MCF2L: variants seen among roughly 807,000 people sequenced by gnomAD.
The protein encoded by MCF2L is MCF.2 cell line derived transforming sequence like.
Under a neutral mutation model 153.4 loss-of-function variants are expected in MCF2L, and 97 were observed. The ratio of observed to expected loss-of-function variants is 0.63; its 90% CI spans 0.54 to 0.75. MCF2L has a LOEUF of 0.75. Among genes scored for constraint, MCF2L ranks in the 30% least tolerant of loss-of-function variants. The pLI is 0.00. For synonymous variants in MCF2L, 659 were observed against 632.2 expected (o/e 1.04, Z -0.64); for missense variants, 1,347 against 1,495.2 (o/e 0.90, Z 1.64).
chr13:112,973,056 C>T (rs556150773), intron 1 of MCF2L, among the ~76,000 whole-genome samples: 44 of 151,976 alleles, frequency 2.9e-4, no homozygotes, highest in African/African-American at 9.4e-4. Context: ...TGGGGGGACG[C>T]GCCCAGGAGG....
intron 4 of MCF2L, among the ~76,000 whole-genome samples, chr13:113,047,556 C>A (rs539410416): frequency 6.6e-6 from 1 of 152,248 alleles, no homozygotes; most frequent in African/African-American, 2.4e-5. Flanking sequence ...CCGTTACAGC[C>A]GCATCTTTTA....
At chr13:113,039,138 C>T (rs551322955) in intron 3 of MCF2L, among the ~76,000 whole-genome samples, 3 of 152,170 alleles carry the variant, frequency 2.0e-5, no homozygotes, top group Non-Finnish European at 2.9e-5. Flanking sequence ...GGATTATAGG[C>T]GTGAGCCACC....
intron 1 of MCF2L, among the ~76,000 whole-genome samples, chr13:112,982,509 G>A (rs1298750859): frequency 6.6e-6 from 1 of 152,184 alleles, no homozygotes; most frequent in African/African-American, 2.4e-5. Context: ...CCCATCAGGT[G>A]GGAGGTGCGG....
At chr13:113,080,905 G>A (rs1410754579) in intron 15 of MCF2L, among the ~76,000 whole-genome samples, 1 of 147,512 alleles carries the variant, frequency 6.8e-6, no homozygotes, top group Admixed American at 6.7e-5. Context: ...TTTTGCACAG[G>A]TGGGACCCAA....
At chr13:113,049,629 T>C (rs2087075288) in intron 4 of MCF2L, among the ~76,000 whole-genome samples, 1 of 152,158 alleles carries the variant, frequency 6.6e-6, no homozygotes, top group Non-Finnish European at 1.5e-5. Context: ...AGCCGAGCCC[T>C]CAAGCAGGTT....
At chr13:112,980,307 C>T (rs1036753618) in intron 1 of MCF2L, among the ~76,000 whole-genome samples, 8 of 152,264 alleles carry the variant, frequency 5.3e-5, no homozygotes, top group Admixed American at 6.5e-5. Flanking sequence ...ATTCTGCTGG[C>T]TTGAGGGGGA....
chr13:112,987,311 C>CATGCAGCCCCCGGTGGGGGGCAGGG (rs11268184), intron 1 of MCF2L, among the ~76,000 whole-genome samples: 134,978 of 151,802 alleles, frequency 0.89, 60,855 homozygotes, highest in Non-Finnish European at 0.98. Flanking sequence ...GCCTGGAGCA[C>CATGCAGCCCCCGGTGGGGGGCAGGG]ACCTTGTGGA....
intron 1 of MCF2L, among the ~76,000 whole-genome samples, chr13:112,992,077 C>A (rs540079025): frequency 1.3e-5 from 2 of 152,312 alleles, no homozygotes; most frequent in South Asian, 4.1e-4. Flanking sequence ...CCACACCTGA[C>A]CCGACAGTCA....
At chr13:112,895,062 G>A (rs1209472446) in intron 1 of MCF2L, among the ~76,000 whole-genome samples, 1 of 152,190 alleles carries the variant, frequency 6.6e-6, no homozygotes, top group East Asian at 1.9e-4. Flanking sequence ...CGGGAAGGCC[G>A]TGGAGCGCGG....
intron 1 of MCF2L, among the ~76,000 whole-genome samples, chr13:112,981,781 C>G (rs1229587527): frequency 6.6e-6 from 1 of 152,244 alleles, no homozygotes; most frequent in Non-Finnish European, 1.5e-5. Flanking sequence ...CCTCTGCCTC[C>G]TGTTGCCTGG....
chr13:113,036,881 T>C (rs1462658349), intron 3 of MCF2L, among the ~76,000 whole-genome samples: 2 of 152,240 alleles, frequency 1.3e-5, no homozygotes, highest in African/African-American at 4.8e-5. Context: ...TTAACAACCA[T>C]GAATTCCTAG....
intron 2 of MCF2L, among the ~76,000 whole-genome samples, chr13:113,018,026 T>A (rs1474644670): frequency 6.6e-6 from 1 of 152,242 alleles, no homozygotes; most frequent in Non-Finnish European, 1.5e-5. Context: ...GAGCCATGGC[T>A]GCCACTGTGA....
chr13:112,999,253 C>T (rs1431442531), intron 1 of MCF2L, among the ~76,000 whole-genome samples: 1 of 152,202 alleles, frequency 6.6e-6, no homozygotes, highest in East Asian at 1.9e-4. Context: ...ACTGTGTACC[C>T]TGAAGGAGCA....
chr13:112,995,841 C>T (rs528164156), intron 1 of MCF2L, among the ~76,000 whole-genome samples: 13 of 152,262 alleles, frequency 8.5e-5, no homozygotes, highest in African/African-American at 2.6e-4. Context: ...AGGCGTGGCC[C>T]GGAAGTCCGT....
At position 113,054,272 on chromosome 13, in the gene MCF2L, T is replaced by C. The variant is rs2087575775; in HGVS notation, c.370-6321T>C. The C allele has an allele frequency of 6.0e-6, 1 of 167,784 alleles. No individual in the cohort carries two copies. The highest frequency in any genetic ancestry group is 2.1e-4 in the South Asian group (1 of 4,832). 10.4% of individuals were successfully genotyped at this position (167,784 alleles called of 1,614,324 possible). On this transcript the variant is annotated intron_variant, in intron 4 of 29. Coordinates refer to ENST00000535094, the MANE Select transcript of MCF2L (RefSeq NM_001112732.3). This position sits in a 1 kb window ranked among gnomAD's most constrained non-coding sequence, Gnocchi z 5.2. ...GAGTGGGAGTGCGATTGGATGTGTG[T>C]CTGCAGATTCTCCCTGTATTTTCTC...
chr13:112,994,305 C>T (rs1277228165), intron 1 of MCF2L, among the ~76,000 whole-genome samples: 2 of 149,728 alleles, frequency 1.3e-5, no homozygotes, highest in African/African-American at 4.9e-5. Context: ...GCGCGTGGGA[C>T]GCCAAGCTGA....
chr13:112,939,860 C>T lies in MCF2L; in HGVS notation c.169+37489C>T, dbSNP rs898059977. Among the ~76,000 whole-genome samples, 5 of 151,786 alleles carry T rather than the reference C, an allele frequency of 3.3e-5. No homozygotes were observed. The East Asian group carries it at 7.7e-4, about 24-fold the overall frequency. On this transcript the variant is annotated intron_variant, in intron 2 of 29. Transcript: ENST00000375608. Reference sequence around the variant, plus strand: ...GTTGGCATGCCTGTAATCCCAGCTACGTGGGAGGCTGAGGCAGGAGATCAC... The same window carrying T: ...GTTGGCATGCCTGTAATCCCAGCTATGTGGGAGGCTGAGGCAGGAGATCAC...
chr13:112,895,192 C>T (rs897773225), intron 1 of MCF2L, among the ~76,000 whole-genome samples: 6 of 152,084 alleles, frequency 3.9e-5, no homozygotes, highest in Admixed American at 1.3e-4. Context: ...TAGGATGCTG[C>T]GGGAGGGCTG....
In MCF2L at chr13:113,084,044, G is replaced by C. The variant is rs2034402830; in HGVS notation, c.2038G>C (p.Val680Leu). Residue 680 changes from valine (V) to leucine (L), a missense_variant, in exon 18 of 30, where the codon GTT becomes CTT. Physicochemically the swap from Val to Leu is conservative, Grantham distance 32 (BLOSUM62 1). Coordinates refer to ENST00000535094, the MANE Select transcript of MCF2L (RefSeq NM_001112732.3). ...LENYTDCPELVGRCFLERMED... is the reference protein window; with the variant it reads ...LENYTDCPELLGRCFLERMED... ...AAACTACACTGACTGCCCAGAACTG[G>C]TTGGAAGATGCTTTCTGGAGAGGGT... 6.2e-7 allele frequency: 1 copy of C among 1,613,890 alleles called. No homozygotes were observed. Among genetic ancestry groups the C allele is most frequent in the South Asian group, 1.1e-5 (1 of 91,082 alleles).
Sources: allele counts gnomAD v4.1 joint callset (sites outside exome capture counted in the v4.1 genomes callset), GRCh38; gene constraint gnomAD v4.1.1; non-coding constraint Gnocchi (gnomAD v3.1); transcripts MANE v1.5; gene names NCBI Gene and HGNC (gene_info 2026-07-23, HGNC 2026-07-21).